Variants in TCF4 observed in about 807,000 individuals in gnomAD.
TCF4 encodes transcription factor 4.
A neutral mutation model predicts 82.1 loss-of-function variants in TCF4; 3 were observed. The ratio of observed to expected loss-of-function variants is 0.04; its 90% confidence interval spans 0.02 to 0.09. The LOEUF is 0.09. Among genes scored for constraint, TCF4 ranks in the 10% least tolerant of loss-of-function variants. The pLI is 1.00. For synonymous variants in TCF4, 276 were observed against 309.6 expected, an observed-to-expected ratio of 0.89 and a Z score of 1.14; for missense variants, 518 against 852.7, an observed-to-expected ratio of 0.61 and a Z score of 4.89.
At chr18:55,238,659 G>A (rs138882559) in intron 15 of TCF4, among the ~76,000 whole-genome samples, 3,111 of 152,250 alleles carry the variant, frequency 0.02, 58 homozygotes, top group Non-Finnish European at 0.032. Flanking sequence ...CTTGGGAACC[G>A]AATGCCACTC....
chr18:55,616,470 G>A (rs534274775), intron 2 of TCF4, among the ~76,000 whole-genome samples: 1 of 152,122 alleles, frequency 6.6e-6, no homozygotes, highest in East Asian at 1.9e-4. Context: ...AGTTCTTTTG[G>A]ATATATACCA....
chr18:55,442,916 A>T (rs1169292982), intron 5 of TCF4, among the ~76,000 whole-genome samples: 1 of 152,206 alleles, frequency 6.6e-6, no homozygotes, highest in Non-Finnish European at 1.5e-5. Context: ...CAGAAATCCT[A>T]CACACTGGTA....
Position 55,377,774 on chromosome 18 carries a change from C to A in TCF4, c.369+25680G>T, listed in dbSNP as rs533001556. Among the ~76,000 whole-genome samples the A allele has an allele frequency of 2.0e-5, 3 of 152,290 alleles. No homozygotes were observed. In the East Asian group the frequency reaches 5.8e-4, roughly 29 times the overall value. ...ATCTACAAAAATAATCCAATAAATG[C>A]TGTTACCATTTGAAATCAAAGGCAA... is the stretch of plus-strand genomic sequence containing the variant. On this transcript the variant is annotated intron_variant, in intron 6 of 19. Coordinates refer to ENST00000354452, the MANE Select transcript of TCF4 (RefSeq NM_001083962.2).
upstream of TCF4, chr18:55,589,379 G>A: frequency 9.5e-6 from 10 of 1,054,236 alleles, no homozygotes; most frequent in South Asian, 4.6e-5. Context: ...CAAGTACTTA[G>A]TATCTCACAT....
intron 8 of TCF4, among the ~76,000 whole-genome samples, chr18:55,305,250 T>A (rs1165365355): frequency 6.6e-6 from 1 of 152,204 alleles, no homozygotes; most frequent in Non-Finnish European, 1.5e-5. Context: ...GCACATTGAC[T>A]ATAAACAATT....
At chr18:55,632,327 C>T (rs771461712) in intron 1 of TCF4, among the ~76,000 whole-genome samples, 16 of 152,168 alleles carry the variant, frequency 1.1e-4, no homozygotes, top group Admixed American at 2.0e-4. Context: ...CATGAACCAC[C>T]GCGCCCGGCC....
intron 6 of TCF4, among the ~76,000 whole-genome samples, chr18:55,376,807 C>T (rs2090866178): frequency 6.6e-6 from 1 of 152,180 alleles, no homozygotes; most frequent in African/African-American, 2.4e-5. Flanking sequence ...TGCTGTTTAA[C>T]CTGAAGCACA....
chr18:55,457,520 T>TC (rs11385247), intron 5 of TCF4, among the ~76,000 whole-genome samples: 65,235 of 151,940 alleles, frequency 0.43, 14,617 homozygotes, highest in African/African-American at 0.57. Context: ...GGGATCTCAC[T>TC]TATTGCCCAG....
chr18:55,584,075 A>C (rs1379451736), intron 3 of TCF4, among the ~76,000 whole-genome samples: 2 of 152,162 alleles, frequency 1.3e-5, no homozygotes, highest in Non-Finnish European at 2.9e-5. Context: ...AGTTATCGAG[A>C]CACAAATTCC....
intron 11 of TCF4, chr18:55,265,237 T>G (rs1416473117): frequency 6.6e-6 from 1 of 152,186 alleles, no homozygotes; most frequent in Non-Finnish European, 1.5e-5. Context: ...CAATTCACAC[T>G]GTGTTTGCCT....
intron 17 of TCF4, chr18:55,232,268 T>C: frequency 2.1e-6 from 1 of 481,012 alleles, no homozygotes; most frequent in Non-Finnish European, 3.7e-6. Context: ...CAGAGACAAA[T>C]TTTTTCACTG....
chr18:55,401,190 C>T (rs2093796235), intron 6 of TCF4: 1 of 1,219,554 alleles, frequency 8.2e-7, no homozygotes, highest in Non-Finnish European at 1.0e-6. Flanking sequence ...TCTCAAATTT[C>T]ACAGAAAGCA....
intron 8 of TCF4, among the ~76,000 whole-genome samples, chr18:55,300,794 G>A (rs954398709): frequency 3.9e-5 from 6 of 151,960 alleles, no homozygotes; most frequent in Admixed American, 3.3e-4. Context: ...AGGTCTTGCC[G>A]GGCTGCTAAG....
At chr18:55,387,088 TGAC>T (rs1305580917) in intron 6 of TCF4, among the ~76,000 whole-genome samples, 1 of 152,254 alleles carries the variant, frequency 6.6e-6, no homozygotes, top group Non-Finnish European at 1.5e-5. Flanking sequence ...TGGAAAGGTC[TGAC>T]CACCCATCCA....
intron 8 of TCF4, among the ~76,000 whole-genome samples, chr18:55,332,864 T>C (rs183045871): frequency 2.9e-4 from 44 of 152,378 alleles, no homozygotes; most frequent in African/African-American, 9.1e-4. Context: ...CAGTTACTTC[T>C]GTGATGTATA....
chr18:55,602,282 G>A (rs1417673581), intron 2 of TCF4, among the ~76,000 whole-genome samples: 1 of 152,112 alleles, frequency 6.6e-6, no homozygotes, highest in Non-Finnish European at 1.5e-5. Context: ...AAGCTTTCAG[G>A]GTCAGGGTCA....
chr18:55,236,534 T>C (rs773962956), intron 15 of TCF4, among the ~76,000 whole-genome samples: 3 of 152,226 alleles, frequency 2.0e-5, no homozygotes, highest in African/African-American at 4.8e-5. Flanking sequence ...TGCTCTCTTA[T>C]AGGCAGACCA....
At chr18:55,623,127 A>G (rs2097723161) in intron 2 of TCF4, among the ~76,000 whole-genome samples, 1 of 152,114 alleles carries the variant, frequency 6.6e-6, no homozygotes, top group Non-Finnish European at 1.5e-5. Context: ...TTTCCATTAA[A>G]CACACTGTCT....
intron 5 of TCF4, among the ~76,000 whole-genome samples, chr18:55,407,439 C>G (rs766085144): frequency 1.3e-5 from 2 of 152,090 alleles, no homozygotes; most frequent in Non-Finnish European, 2.9e-5. Context: ...CAACATGCAG[C>G]CCCGTCTACA....
Sources: gnomAD v4.1 joint callset for allele counts (sites outside exome capture counted in the v4.1 genomes callset) on GRCh38, gnomAD v4.1.1 for gene constraint, MANE v1.5 for transcripts, NCBI Gene and HGNC (gene_info 2026-07-23, HGNC 2026-07-21) for gene names.